The following TNFRSF19 variants were observed in gnomAD, a reference collection of about 807,000 sequenced individuals.
TNFRSF19 encodes the protein tumor necrosis factor receptor superfamily member 19.
In TNFRSF19, 27 loss-of-function variants were observed where a neutral mutation model predicts 46.4. The ratio of observed to expected loss-of-function variants is 0.58; its 90% CI spans 0.43 to 0.80. The LOEUF (loss-of-function observed/expected upper bound fraction) is 0.80. Among genes scored for constraint, TNFRSF19 ranks in the 30% least tolerant of loss-of-function variants. TNFRSF19 has a pLI of 0.00. For synonymous variants in TNFRSF19, 204 were observed against 205.0 expected (o/e 1.00, Z 0.04); for missense variants, 511 against 530.8 (o/e 0.96, Z 0.37).
At position 23,668,033 on chromosome 13, in the gene TNFRSF19, C is replaced by A; in HGVS notation, c.790C>A (p.Pro264Thr). ...CTGTGAGGAGGCCTGCAGCCCCAAC[C>A]CGGCGACTCTTGGTTGTGGGGTGCA... Reference protein sequence around the residue: ...MCCEEACSPNPATLGCGVHSA... With the variant: ...MCCEEACSPNTATLGCGVHSA... Residue 264 changes from proline to threonine, a missense_variant, in exon 8 of 10, where the codon CCG becomes ACG. Coordinates refer to ENST00000248484, the MANE Select transcript of TNFRSF19 (RefSeq NM_148957.4). 1.9e-6 allele frequency: 3 copies of A among 1,610,464 alleles called. No individual in the cohort carries two copies. Among genetic ancestry groups the A allele is most frequent in the South Asian group, 2.2e-5 (2 of 89,794 alleles).
chr13:23,629,482 G>T (rs960189480), intron 5 of TNFRSF19, among the ~76,000 whole-genome samples: 7 of 152,146 alleles, frequency 4.6e-5, no homozygotes, highest in African/African-American at 1.7e-4. Context: ...GCCTATCTGT[G>T]GCTGGTGACC....
intron 5 of TNFRSF19, among the ~76,000 whole-genome samples, chr13:23,643,406 T>C (rs1883138740): frequency 6.6e-6 from 1 of 152,224 alleles, no homozygotes; most frequent in Non-Finnish European, 1.5e-5. Flanking sequence ...ATAGAAACCA[T>C]TTTGGAACAT....
chr13:23,584,581 G>A (rs1330344074), intron 1 of TNFRSF19, among the ~76,000 whole-genome samples: 2 of 150,802 alleles, frequency 1.3e-5, no homozygotes, highest in Admixed American at 1.3e-4. Flanking sequence ...TTTCTCCTGG[G>A]TAGATACCCA....
chr13:23,571,544 G>A (rs1384607574), intron 1 of TNFRSF19, among the ~76,000 whole-genome samples: 1 of 152,080 alleles, frequency 6.6e-6, no homozygotes, highest in East Asian at 1.9e-4. Flanking sequence ...ACATTCACAA[G>A]GTTAATATTC....
intron 3 of TNFRSF19, among the ~76,000 whole-genome samples, chr13:23,605,180 A>G (rs758795568): frequency 8.5e-5 from 13 of 152,250 alleles, no homozygotes; most frequent in Admixed American, 2.0e-4. Flanking sequence ...CAAAGAAGAT[A>G]CACAGATGGC....
intron 1 of TNFRSF19, among the ~76,000 whole-genome samples, chr13:23,588,359 C>G (rs945363831): frequency 6.6e-6 from 1 of 152,164 alleles, no homozygotes; most frequent in Admixed American, 6.5e-5. Context: ...TCACAATGCC[C>G]CTGTGAGATG....
chr13:23,631,178 T>A (rs1447311824), intron 5 of TNFRSF19, among the ~76,000 whole-genome samples: 1 of 152,182 alleles, frequency 6.6e-6, no homozygotes, highest in South Asian at 2.1e-4. Flanking sequence ...CTTTGAGACG[T>A]ATTTGCTCAT....
chr13:23,658,959 A>T lies in TNFRSF19; in HGVS notation c.446-91A>T. 3 of 1,537,186 alleles carry T rather than the reference A, an allele frequency of 2.0e-6. No individual in the cohort carries two copies. In the South Asian group the frequency reaches 3.4e-5, roughly 17 times the overall value. ...CATGCCAGTTTTCTCACAGCATGGGAAGGCCACTGGTAAGGGTGCCTGCCA... is the reference window on the plus strand; with the variant it reads ...CATGCCAGTTTTCTCACAGCATGGGTAGGCCACTGGTAAGGGTGCCTGCCA... On this transcript the variant is annotated intron_variant, in intron 5 of 9. Transcript: ENST00000248484.
intron 5 of TNFRSF19, among the ~76,000 whole-genome samples, chr13:23,646,126 G>A (rs932407103): frequency 2.0e-5 from 3 of 151,840 alleles, no homozygotes; most frequent in African/African-American, 7.3e-5. Flanking sequence ...TCAATATCTG[G>A]GCCAGTGCGG....
At chr13:23,652,887 C>A (rs1008980811) in intron 5 of TNFRSF19, among the ~76,000 whole-genome samples, 1 of 152,108 alleles carries the variant, frequency 6.6e-6, no homozygotes, top group Non-Finnish European at 1.5e-5. Context: ...TGCCAGGAAC[C>A]CTTATAGATG....
At chr13:23,651,433 A>G (rs1883622257) in intron 5 of TNFRSF19, among the ~76,000 whole-genome samples, 1 of 152,218 alleles carries the variant, frequency 6.6e-6, no homozygotes, top group Non-Finnish European at 1.5e-5. Context: ...GAGTTGCCAG[A>G]GTGATATGTT....
intron 4 of TNFRSF19, among the ~76,000 whole-genome samples, chr13:23,626,223 G>GTGTGTA (rs1566194534): frequency 6.8e-6 from 1 of 146,938 alleles, no homozygotes; most frequent in East Asian, 2.0e-4. Flanking sequence ...GTGTGTGTGT[G>GTGTGTA]GTTGCTGTTC....
At chr13:23,599,746 TGTAA>T (rs1453639833) in intron 3 of TNFRSF19, among the ~76,000 whole-genome samples, 2 of 152,052 alleles carry the variant, frequency 1.3e-5, no homozygotes, top group African/African-American at 4.8e-5. Context: ...GAGAATAGAT[TGTAA>T]GTGTTTTCTT....
intron 5 of TNFRSF19, among the ~76,000 whole-genome samples, chr13:23,656,542 T>TG (rs1385942729): frequency 6.6e-6 from 1 of 152,220 alleles, no homozygotes; most frequent in African/African-American, 2.4e-5. Context: ...TCCAGTTTTG[T>TG]GTCAATTGAT....
intron 5 of TNFRSF19, among the ~76,000 whole-genome samples, chr13:23,648,377 C>T (rs142599085): frequency 6.2e-4 from 95 of 152,140 alleles, no homozygotes; most frequent in African/African-American, 2.2e-3. Context: ...TCTTAATCTG[C>T]TTCTTAAATT....
chr13:23,620,112 G>A lies in TNFRSF19; in HGVS notation c.359+4067G>A, dbSNP rs78357064. ...GTCAGCATTAGTATATGAGGCAGGC[G>A]TAATTACATAGTGACTTTTACCCAG... On this transcript the variant is annotated intron_variant, in intron 4 of 9. Coordinates refer to ENST00000248484, the MANE Select transcript of TNFRSF19 (RefSeq NM_148957.4). Among the ~76,000 whole-genome samples the A allele has an allele frequency of 6.5e-3, 993 of 152,238 alleles. 10 individuals are homozygous for A. The highest frequency in any genetic ancestry group is 0.019 in the African/African-American group (777 of 41,534).
intron 9 of TNFRSF19, among the ~76,000 whole-genome samples, chr13:23,671,536 T>C (rs1042511844): frequency 1.3e-5 from 2 of 152,018 alleles, no homozygotes; most frequent in African/African-American, 2.4e-5. Context: ...TTGCACTTAC[T>C]AATCTGTGAA....
chr13:23,580,723 TAAAAAG>T (rs1362273430), intron 1 of TNFRSF19, among the ~76,000 whole-genome samples: 1 of 152,230 alleles, frequency 6.6e-6, no homozygotes, highest in Non-Finnish European at 1.5e-5. Flanking sequence ...TGTGAGTACT[TAAAAAG>T]AAAGCTTCTT....
At chr13:23,661,467 T>G (rs533458872) in intron 7 of TNFRSF19, among the ~76,000 whole-genome samples, 1 of 152,364 alleles carries the variant, frequency 6.6e-6, no homozygotes, top group South Asian at 2.1e-4. Flanking sequence ...GTTGATTCCA[T>G]GTCTTTGCTA....
Sources: gnomAD v4.1 joint callset for allele counts (sites outside exome capture counted in the v4.1 genomes callset) on GRCh38, gnomAD v4.1.1 for gene constraint, MANE v1.5 for transcripts, NCBI Gene and HGNC (gene_info 2026-07-23, HGNC 2026-07-21) for gene names.